Variants in ANAPC1 observed in about 807,000 individuals in gnomAD.
ANAPC1 encodes anaphase-promoting complex subunit 1.
Under a neutral mutation model 208.0 loss-of-function variants are expected in ANAPC1, and 36 were observed. The observed-to-expected ratio is 0.17, with a 90% CI of 0.13 to 0.23. ANAPC1 has a LOEUF of 0.23. Among genes scored for constraint, ANAPC1 ranks in the 10% least tolerant of loss-of-function variants. The pLI is 1.00. For missense variants in ANAPC1, 942 were observed against 2,011.6 expected, an observed-to-expected ratio of 0.47 and a Z score of 10.17; for synonymous variants, 378 against 695.2, an observed-to-expected ratio of 0.54 and a Z score of 7.18.
chr2:111,840,179 C>A (rs1680685771), intron 17 of ANAPC1, among the ~76,000 whole-genome samples: 1 of 148,314 alleles, frequency 6.7e-6, no homozygotes, highest in African/African-American at 2.5e-5. Context: ...TCATGTAACA[C>A]ATCAGCAAAT....
At chr2:111,865,037 A>C in intron 7 of ANAPC1, 86 bp from the exon 8 acceptor site, 1 of 1,448,702 alleles carries the variant, frequency 6.9e-7, no homozygotes, top group Non-Finnish European at 9.1e-7. Context: ...AAATTGTTAA[A>C]GATAAAGAAC....
At chr2:111,840,547 G>C (rs1234589413) in intron 17 of ANAPC1, among the ~76,000 whole-genome samples, 1 of 152,072 alleles carries the variant, frequency 6.6e-6, no homozygotes, top group African/African-American at 2.4e-5. Context: ...AAACGCGAAG[G>C]GGCATAGGTT....
intron 27 of ANAPC1, among the ~76,000 whole-genome samples, chr2:111,816,279 A>AT (rs1679232882): frequency 6.7e-6 from 1 of 149,042 alleles, no homozygotes; most frequent in Non-Finnish European, 1.5e-5. Flanking sequence ...AGAAAAAAAA[A>AT]AAAGGAAACA....
chr2:111,820,809 C>CAA (rs71280886), intron 26 of ANAPC1, among the ~76,000 whole-genome samples: 13 of 135,588 alleles, frequency 9.6e-5, no homozygotes, highest in South Asian at 2.4e-4. Flanking sequence ...CTATCATATC[C>CAA]AAAAAAAAAA....
intron 21 of ANAPC1, among the ~76,000 whole-genome samples, chr2:111,829,458 G>C (rs1680012512): frequency 6.6e-6 from 1 of 152,050 alleles, no homozygotes; most frequent in Non-Finnish European, 1.5e-5. Flanking sequence ...AAAGCATATG[G>C]TTCTCCTGCA....
intron 27 of ANAPC1, among the ~76,000 whole-genome samples, chr2:111,816,812 A>C (rs1558687697): frequency 1.5e-5 from 2 of 133,034 alleles, no homozygotes; most frequent in Non-Finnish European, 3.3e-5. Context: ...TACACACACA[A>C]AGCACAAAGT....
intron 1 of ANAPC1, among the ~76,000 whole-genome samples, chr2:111,882,057 A>G (rs4848832): frequency 0.62 from 94,054 of 151,782 alleles, 29,676 homozygotes; most frequent in Middle Eastern, 0.71. Flanking sequence ...GGTGGCGGGC[A>G]CCTGTAGTCC....
Position 111,856,868 on chromosome 2 carries a change from C to A in ANAPC1, c.1377G>T (p.Glu459Asp). The change falls in exon 12 of 48, where the codon GAG becomes GAT. Residue 459 changes from glutamate to aspartate, a missense_variant. By Grantham distance (45) the Glu-to-Asp change is conservative. Coordinates refer to ENST00000341068, the MANE Select transcript of ANAPC1 (RefSeq NM_022662.4). The stretch of plus-strand genomic sequence containing the variant: ...AGATGAGCTGGGTTTTATCATTACT[C>A]TCTTGAAACTTTACACAGCTAAATA... ...QLQLRCVKFQ[E>D]SNDKTQLIFG... 5 of 1,612,016 alleles carry A rather than the reference C, an allele frequency of 3.1e-6. No homozygotes were observed. The highest frequency in any genetic ancestry group is 4.2e-6 in the Non-Finnish European group (5 of 1,179,792).
chr2:111,794,307 T>G lies in ANAPC1; in HGVS notation c.4390A>C (p.Ile1464Leu). 4 of 1,610,340 alleles carry G rather than the reference T, an allele frequency of 2.5e-6. No homozygotes were observed. Among genetic ancestry groups the G allele is most frequent in the Non-Finnish European group, 3.4e-6 (4 of 1,178,832 alleles). ...LETLSQAHVY[I>L]IAGACLSLGF... ...AGAGACAAGCAGGCTCCTGCAATTATGTAGACATGTGCTTGGCTGAAAACA... is the reference window on the plus strand; with the variant it reads ...AGAGACAAGCAGGCTCCTGCAATTAGGTAGACATGTGCTTGGCTGAAAACA... Residue 1464 changes from isoleucine (I) to leucine (L), a missense_variant, in exon 36 of 48, where the codon ATA (isoleucine) becomes CTA (leucine). Coordinates refer to ENST00000341068, the MANE Select transcript of ANAPC1 (RefSeq NM_022662.4).
At chr2:111,819,977 A>G (rs932925866) in intron 26 of ANAPC1, among the ~76,000 whole-genome samples, 4 of 152,200 alleles carry the variant, frequency 2.6e-5, no homozygotes, top group Admixed American at 1.3e-4. Flanking sequence ...GAAATCTTAC[A>G]CATAATTCAC....
At chr2:111,861,320 T>C (rs140373209) in intron 10 of ANAPC1, among the ~76,000 whole-genome samples, 3,356 of 152,272 alleles carry the variant, frequency 0.022, 110 homozygotes, top group African/African-American at 0.074. Context: ...AAGTGATCCA[T>C]CTGCCTCAGC....
At chr2:111,844,520 G>C (rs1364191838) in intron 16 of ANAPC1, among the ~76,000 whole-genome samples, 1 of 149,794 alleles carries the variant, frequency 6.7e-6, no homozygotes, top group Admixed American at 6.7e-5. Context: ...AGTGAGCCAA[G>C]ATCACGCCAT....
Position 111,821,471 on chromosome 2 carries a change from T to C in ANAPC1, c.2992-18A>G, listed in dbSNP as rs770464337. The C allele has an allele frequency of 5.7e-4, 815 of 1,440,880 alleles. 1 individual carries two copies. Among genetic ancestry groups the C allele is most frequent in the Non-Finnish European group, 7.6e-4 (784 of 1,033,616 alleles). The allele number at this position is 1,440,880 out of a possible 1,614,324, so 89.3% of individuals were successfully genotyped here. A position where few individuals can be genotyped will look rare whatever the true frequency, so the allele number is the denominator to read the frequency against. On this transcript the variant is annotated intron_variant, in intron 25 of 47. Coordinates refer to ENST00000341068, the MANE Select transcript of ANAPC1 (RefSeq NM_022662.4). Reference sequence around the variant, plus strand: ...GAGAGCACCTGAGTAACAGACTTTATTGTAATAATAATTTCAAAAGCAGTT... The same window carrying C: ...GAGAGCACCTGAGTAACAGACTTTACTGTAATAATAATTTCAAAAGCAGTT...
rs1558734766 is a variant in ANAPC1 at position 111,864,375 on chromosome 2, A to ATG, written c.831+430_831+431insCA. 6.0e-4 allele frequency among the ~76,000 whole-genome samples: 77 copies of ATG among 127,780 alleles called. 1 individual carries two copies. The highest frequency in any genetic ancestry group is 2.1e-3 in the African/African-American group (65 of 31,606). The allele number at this position is 127,780 out of a possible 152,430, so 83.8% of individuals were successfully genotyped here. A position where few individuals can be genotyped will look rare whatever the true frequency, so the allele number is the denominator to read the frequency against. The stretch of plus-strand genomic sequence containing the variant: ...TGATGATGATGATGATGATGATGAT[A>ATG]ATAAAACTATTCACAAGTGATTTTT... On this transcript the variant is annotated intron_variant, in intron 8 of 47. Coordinates refer to ENST00000341068, the MANE Select transcript of ANAPC1 (RefSeq NM_022662.4).
intron 20 of ANAPC1, among the ~76,000 whole-genome samples, chr2:111,832,324 A>AAG (rs1680189883): frequency 6.6e-6 from 1 of 150,814 alleles, no homozygotes; most frequent in South Asian, 2.1e-4. Context: ...AAAAAAAAAA[A>AAG]GAAGAATCTA....
intron 20 of ANAPC1, among the ~76,000 whole-genome samples, chr2:111,832,478 G>C (rs1004041918): frequency 2.0e-5 from 3 of 152,274 alleles, no homozygotes; most frequent in African/African-American, 7.2e-5. Flanking sequence ...GATGTTCTGT[G>C]TCTGTATCTG....
chr2:111,874,982 C>T (rs935527668), intron 3 of ANAPC1, among the ~76,000 whole-genome samples: 1 of 152,226 alleles, frequency 6.6e-6, no homozygotes, highest in African/African-American at 2.4e-5. Flanking sequence ...CCATGCCTGG[C>T]TACACGTGTA....
At chr2:111,773,474 T>A (rs1246011965) in intron 46 of ANAPC1, among the ~76,000 whole-genome samples, 1 of 152,130 alleles carries the variant, frequency 6.6e-6, no homozygotes, top group Non-Finnish European at 1.5e-5. Flanking sequence ...TCTAATAACA[T>A]AGGCATACTT....
At chr2:111,766,929 C>T (rs992478681), downstream of ANAPC1, 3 of 470,714 alleles carry the variant, frequency 6.4e-6, no homozygotes, top group African/African-American at 2.0e-5. Context: ...TCAAGGAAGA[C>T]TGGGCGGCAC....
Sources: allele counts gnomAD v4.1 joint callset (sites outside exome capture counted in the v4.1 genomes callset), GRCh38; gene constraint gnomAD v4.1.1; transcripts MANE v1.5; gene names NCBI Gene and HGNC (gene_info 2026-07-23, HGNC 2026-07-21).